RBFOX1: variants seen among roughly 807,000 people sequenced by gnomAD.
RBFOX1 encodes the protein RNA binding protein fox-1 homolog 1.
RBFOX1 carries 8 observed loss-of-function variants against 57.7 expected under a neutral mutation model. The ratio of observed to expected loss-of-function variants is 0.14; its 90% CI spans 0.08 to 0.25. RBFOX1 has a LOEUF of 0.25. RBFOX1 is among the 10% of genes least tolerant of loss of function. The pLI is 1.00. For synonymous variants in RBFOX1, 326 were observed against 222.4 expected, an observed-to-expected ratio of 1.47 and a Z score of -4.15; for missense variants, 611 against 548.5, an observed-to-expected ratio of 1.11 and a Z score of -1.14.
At chr16:7,432,532 T>G (rs972982627) in intron 4 of RBFOX1, among the ~76,000 whole-genome samples, 1 of 152,336 alleles carries the variant, frequency 6.6e-6, no homozygotes, top group East Asian at 1.9e-4. Flanking sequence ...ACATTTTTTT[T>G]ATAAAGGACC....
chr16:6,710,712 C>G (rs1457223103), intron 3 of RBFOX1, among the ~76,000 whole-genome samples: 1 of 152,226 alleles, frequency 6.6e-6, no homozygotes, highest in Non-Finnish European at 1.5e-5. Flanking sequence ...CAAGGCCCTG[C>G]TTGCCCTCGG....
rs1267378932 is a variant in RBFOX1, at chr16:6,253,540, A to G, written c.-126-63455A>G. On this transcript the variant is annotated intron_variant, in intron 1 of 15. Transcript: ENST00000550418. ...TCTGAGTCCTACATTTTGCACTTTT[A>G]TAACCACACACTCTTTTGTTTTCCA... 5.3e-5 allele frequency among the ~76,000 whole-genome samples: 8 copies of G among 152,126 alleles called. No homozygotes were observed. The East Asian group carries it at 9.7e-4, about 18-fold the overall frequency.
rs1555822441 is a variant in RBFOX1, at chr16:7,054,216, G to GGC, written c.27+2119_27+2120insCG. 4.3e-5 allele frequency among the ~76,000 whole-genome samples: 4 copies of GGC among 92,374 alleles called. 1 individual carries two copies. The East Asian group carries it at 2.1e-3, about 50-fold the overall frequency. 60.6% of individuals were successfully genotyped at this position (92,374 alleles called of 152,430 possible). A position where few individuals can be genotyped will look rare whatever the true frequency, so the allele number is the denominator to read the frequency against. On this transcript the variant is annotated intron_variant, in intron 4 of 15. Transcript: ENST00000550418. ...TTATTAAGGTGATTTTTTTTTTCGG[G>GGC]GGGGGGGGGCGGGGAGCTTTTTTTT... is the stretch of plus-strand genomic sequence containing the variant.
At chr16:5,469,594 A>C (rs1037495327) in intron 2 of RBFOX1, among the ~76,000 whole-genome samples, 28 of 152,174 alleles carry the variant, frequency 1.8e-4, no homozygotes, top group African/African-American at 6.5e-4. Flanking sequence ...GTGCCACCAT[A>C]CCTTCATGTA....
intron 1 of RBFOX1, among the ~76,000 whole-genome samples, chr16:6,225,260 G>T (rs1460975958): frequency 6.6e-6 from 1 of 151,962 alleles, no homozygotes; most frequent in African/African-American, 2.4e-5. Flanking sequence ...TAGTGCCCCT[G>T]TTCTGAAAGC....
At chr16:7,447,993 T>A (rs919439248) in intron 4 of RBFOX1, among the ~76,000 whole-genome samples, 20 of 152,186 alleles carry the variant, frequency 1.3e-4, no homozygotes, top group Non-Finnish European at 2.9e-5. Flanking sequence ...GATGTAGGGA[T>A]TTCCACTCTT....
At chr16:7,011,283 G>A (rs764381655) in intron 3 of RBFOX1, among the ~76,000 whole-genome samples, 6 of 152,070 alleles carry the variant, frequency 3.9e-5, no homozygotes, top group Admixed American at 6.6e-5. Flanking sequence ...TGATTCTGAG[G>A]TCAAGATGCT....
At chr16:6,546,545 A>C (rs1008143373) in intron 2 of RBFOX1, among the ~76,000 whole-genome samples, 2 of 152,028 alleles carry the variant, frequency 1.3e-5, no homozygotes, top group Non-Finnish European at 2.9e-5. Flanking sequence ...GTCTGCTTCT[A>C]CTTTCATGTG....
chr16:7,704,894 A>G (rs2081947636), intron 14 of RBFOX1, among the ~76,000 whole-genome samples: 1 of 151,926 alleles, frequency 6.6e-6, no homozygotes, highest in South Asian at 2.1e-4. Flanking sequence ...ACAAAATGCA[A>G]AATTTAGCCA....
At chr16:5,497,620 T>TAAAAAAAAAAAAAAAAAAAAAAA (rs2043043889) in intron 2 of RBFOX1, among the ~76,000 whole-genome samples, 1 of 55,124 alleles carries the variant, frequency 1.8e-5, no homozygotes, top group African/African-American at 2.6e-4. Flanking sequence ...CTACTAAAAA[T>TAAAAAAAAAAAAAAAAAAAAAAA]ACAAAAAAAA....
chr16:7,159,644 G>C (rs1182658438), intron 4 of RBFOX1, among the ~76,000 whole-genome samples: 1 of 152,152 alleles, frequency 6.6e-6, no homozygotes. Context: ...TGTTTGTGCT[G>C]GTTCTGGAGA....
At chr16:5,431,932 TG>T (rs1297994316) in intron 1 of RBFOX1, among the ~76,000 whole-genome samples, 1 of 152,072 alleles carries the variant, frequency 6.6e-6, no homozygotes, top group East Asian at 1.9e-4. Flanking sequence ...TCGAATCCTC[TG>T]ACGGACAACG....
At chr16:7,437,418 G>C (rs2098731736) in intron 4 of RBFOX1, among the ~76,000 whole-genome samples, 2 of 152,084 alleles carry the variant, frequency 1.3e-5, no homozygotes, top group African/African-American at 2.4e-5. Context: ...TCTGTGGAAA[G>C]GATGTTAATA....
intron 3 of RBFOX1, among the ~76,000 whole-genome samples, chr16:5,665,020 C>G (rs1027574794): frequency 3.3e-5 from 5 of 151,864 alleles, no homozygotes; most frequent in Admixed American, 6.6e-5. Flanking sequence ...TCCTAGCTCA[C>G]TGCAGCCCTC....
chr16:6,926,317 C>G (rs1042080371), intron 3 of RBFOX1, among the ~76,000 whole-genome samples: 2 of 151,846 alleles, frequency 1.3e-5, no homozygotes, highest in African/African-American at 2.4e-5. Flanking sequence ...AAAGAAAAAA[C>G]AAAAACAAAA....
chr16:6,887,632 A>G (rs1465933953), intron 3 of RBFOX1, among the ~76,000 whole-genome samples: 1 of 151,050 alleles, frequency 6.6e-6, no homozygotes, highest in Non-Finnish European at 1.5e-5. Flanking sequence ...CTAGTTTTAG[A>G]AGGGTTTGGT....
upstream of RBFOX1, among the ~76,000 whole-genome samples, chr16:6,018,034 A>G (rs2095007757): frequency 6.6e-6 from 1 of 152,202 alleles, no homozygotes; most frequent in Non-Finnish European, 1.5e-5. Context: ...AAAATGAGGT[A>G]GACTGCCTGG....
intron 1 of RBFOX1, among the ~76,000 whole-genome samples, chr16:5,304,012 A>T (rs951738523): frequency 6.6e-6 from 1 of 152,222 alleles, no homozygotes; most frequent in African/African-American, 2.4e-5. Flanking sequence ...ATATGAGATT[A>T]TAGCTTTGAT....
chr16:6,034,326 T>G (rs2095332596), intron 1 of RBFOX1, among the ~76,000 whole-genome samples: 3 of 68,444 alleles, frequency 4.4e-5, no homozygotes, highest in Admixed American at 2.3e-4. Context: ...AGCGAGACTG[T>G]TGCGCAAAAA....
Sources: gnomAD v4.1 joint callset for allele counts (sites outside exome capture counted in the v4.1 genomes callset) on GRCh38, gnomAD v4.1.1 for gene constraint, MANE v1.5 for transcripts, NCBI Gene and HGNC (gene_info 2026-07-23, HGNC 2026-07-21) for gene names.